The following SCAP variants were observed in gnomAD, a reference collection of about 807,000 sequenced individuals.
SCAP encodes the protein SREBF chaperone.
In SCAP, 65 loss-of-function variants were observed where a neutral mutation model predicts 123.6. The ratio of observed to expected loss-of-function variants is 0.53; its 90% CI spans 0.43 to 0.65. The LOEUF (loss-of-function observed/expected upper bound fraction) is 0.65, where lower values mean the gene tolerates loss of function less well. Ranked by LOEUF, SCAP falls within the 30% of genes least tolerant of loss-of-function variation. The pLI, the probability that SCAP is intolerant of heterozygous loss-of-function variation, is 0.00. For synonymous variants in SCAP, 740 were observed against 726.3 expected (o/e 1.02, Z -0.30); for missense variants, 1,398 against 1,712.5 (o/e 0.82, Z 3.24).
rs773156877 is a variant in SCAP at position 47,419,495 on chromosome 3, C to G, written c.1773G>C (p.Gln591His). Reference protein sequence around the residue: ...PPDAPKLPENQTSPGESPERG... With the variant: ...PPDAPKLPENHTSPGESPERG... ...GCTCAGGTGACTCGCCTGGCGACGT[C>G]TGGTTCTCAGGTAGCTTAGGGGCAT... The change falls in exon 13 of 23, where the codon CAG becomes CAC. Residue 591 changes from glutamine (Q) to histidine (H), a missense_variant. Gln to His is a conservative substitution (Grantham distance 24). Coordinates refer to ENST00000265565, the MANE Select transcript of SCAP (RefSeq NM_012235.4). The surrounding 1 kb of genome is among the most constrained non-coding windows in gnomAD (Gnocchi z 5.0). 120 of 1,613,884 alleles carry G rather than the reference C, an allele frequency of 7.4e-5. No individual in the cohort carries two copies. The highest frequency in any genetic ancestry group is 9.4e-5 in the Non-Finnish European group (111 of 1,180,010).
At chr3:47,461,421 T>C (rs147582209) in intron 1 of SCAP, among the ~76,000 whole-genome samples, 120 of 152,336 alleles carry the variant, frequency 7.9e-4, no homozygotes, top group Non-Finnish European at 1.2e-3. Context: ...GACTGTGATA[T>C]GCACTGGGAC....
intron 4 of SCAP, among the ~76,000 whole-genome samples, 177 bp downstream of exon 4, chr3:47,428,336 G>A (rs751037268): frequency 1.3e-5 from 2 of 152,188 alleles, no homozygotes; most frequent in Non-Finnish European, 2.9e-5. Context: ...CAAGCGGAAT[G>A]CAGCCACCGT....
intron 3 of SCAP, among the ~76,000 whole-genome samples, chr3:47,430,685 A>G (rs1239352895): frequency 6.6e-6 from 1 of 152,244 alleles, no homozygotes; most frequent in Non-Finnish European, 1.5e-5. Context: ...CAACCTGATG[A>G]AAGCAGTGCT....
In SCAP at chr3:47,418,216, G is replaced by A. The variant is rs147205087; in HGVS notation, c.2365C>T (p.Leu789=). 36 of 1,572,330 alleles carry A rather than the reference G, an allele frequency of 2.3e-5. No homozygotes were observed. The highest frequency in any genetic ancestry group is 4.1e-5 in the African/African-American group (3 of 73,854). The part of the protein sequence containing the change: ...IECLASDGML[L]VSCCLAGHVC... The stretch of plus-strand genomic sequence containing the variant: ...TGGCCTGCCAGGCAGCAGCTCACCA[G>A]CAGCATGCCGTCGCTGGCCAGGCAC... The change falls in exon 16 of 23, where the codon CTG becomes TTG. Residue 789 remains leucine, a synonymous_variant. Transcript: ENST00000265565.
intron 8 of SCAP, among the ~76,000 whole-genome samples, chr3:47,424,649 C>T (rs1031029006): frequency 6.6e-6 from 1 of 152,114 alleles, no homozygotes; most frequent in African/African-American, 2.4e-5. Flanking sequence ...GCTTTGGAGC[C>T]GAAGGAAGGG....
At chr3:47,446,930 C>T (rs1394373100) in intron 1 of SCAP, among the ~76,000 whole-genome samples, 1 of 152,012 alleles carries the variant, frequency 6.6e-6, no homozygotes, top group African/African-American at 2.4e-5. Flanking sequence ...GGCAACAGAG[C>T]GAGACTGTGT....
In SCAP at chr3:47,420,661, G is replaced by A. The variant is rs752683819; in HGVS notation, c.1456C>T (p.His486Tyr). 2.9e-5 allele frequency: 47 copies of A among 1,611,976 alleles called. No homozygotes were observed. The highest frequency in any genetic ancestry group is 3.4e-5 in the Non-Finnish European group (40 of 1,179,968). ...GAAGACGGCTGCAACGTGATGGTGTGGGGTGTGGACGGCCTCACAGCCAGC... is the reference window on the plus strand; with the variant it reads ...GAAGACGGCTGCAACGTGATGGTGTAGGGTGTGGACGGCCTCACAGCCAGC... ...RQLAVRPSTP[H>Y]TITLQPSSFR... Residue 486 changes from histidine (H) to tyrosine (Y), a missense_variant, in exon 12 of 23, where the codon CAC becomes TAC. Around this residue, in one of 7 missense-constraint regions of SCAP, gnomAD observed 828 missense variants for 882.5 expected, o/e 0.94. Transcript: ENST00000265565. The surrounding 1 kb of genome is among the most constrained non-coding windows in gnomAD (Gnocchi z 5.0).
rs1389344936 is a variant in SCAP at position 47,427,234 on chromosome 3, G to A, written c.660C>T (p.Tyr220=). 6.2e-7 allele frequency: 1 copy of A among 1,613,700 alleles called. No homozygotes were observed. The highest frequency in any genetic ancestry group is 1.7e-5 in the Admixed American group (1 of 59,968). ...KDLLFGVPGK[Y]SGVSLYTRKR... is the part of the protein sequence containing the mutation. ...TCCTGGTGTAGAGGCTCACCCCGCT[G>A]TACTTCCCAGGAACACCAAATAACA... The change falls in exon 6 of 23, where the codon TAC becomes TAT. Residue 220 remains tyrosine, a synonymous_variant. Coordinates refer to ENST00000265565, the MANE Select transcript of SCAP (RefSeq NM_012235.4).
chr3:47,415,014 G>A (rs1353967777), intron 19 of SCAP, 21 bp from the exon 20 acceptor site: 3 of 1,580,134 alleles, frequency 1.9e-6, no homozygotes, highest in Non-Finnish European at 2.6e-6. Flanking sequence ...AAGGCCAAGT[G>A]AAGAATCTCT....
intron 10 of SCAP, among the ~76,000 whole-genome samples, chr3:47,421,884 C>CACCTCT (rs1705916533): frequency 1.3e-5 from 2 of 152,394 alleles, no homozygotes; most frequent in South Asian, 4.1e-4. Context: ...GGGCCACCTC[C>CACCTCT]ACCTCTGCTC....
intron 3 of SCAP, among the ~76,000 whole-genome samples, chr3:47,433,649 C>A (rs1706454587): frequency 6.6e-6 from 1 of 152,062 alleles, no homozygotes; most frequent in South Asian, 2.1e-4. Context: ...GGTGGATCAC[C>A]TGAGGTCAGG....
intron 3 of SCAP, 45 bp from the exon 4 acceptor site, chr3:47,428,715 G>A (rs1207902990): frequency 6.2e-7 from 1 of 1,601,622 alleles, no homozygotes; most frequent in Admixed American, 1.7e-5. Context: ...CTGAGCACAG[G>A]AAGAAGAAAG....
At chr3:47,414,146 A>G in intron 22 of SCAP, 34 bp downstream of exon 22, 1 of 1,613,484 alleles carries the variant, frequency 6.2e-7, no homozygotes, top group African/African-American at 1.3e-5. Context: ...CTTCCCTAAA[A>G]TCCCAAGAAT....
chr3:47,474,488 A>G (rs1708192433), intron 1 of SCAP, among the ~76,000 whole-genome samples: 1 of 152,038 alleles, frequency 6.6e-6, no homozygotes, highest in African/African-American at 2.4e-5. Context: ...CTATATTAAC[A>G]CACATTTTAA....
chr3:47,439,965 ATTC>A lies in SCAP; in HGVS notation c.122+2904_122+2906del, dbSNP rs1225359726. 6.6e-6 allele frequency among the ~76,000 whole-genome samples: 1 copy of A among 152,132 alleles called. No individual in the cohort carries two copies. Among genetic ancestry groups the A allele is most frequent in the African/African-American group, 2.4e-5 (1 of 41,412 alleles). On this transcript the variant is annotated intron_variant, in intron 2 of 22. Coordinates refer to ENST00000265565, the MANE Select transcript of SCAP (RefSeq NM_012235.4). This position sits in a 1 kb window ranked among gnomAD's most constrained non-coding sequence, Gnocchi z 4.0. ...ACAGATGCCCTCTCTCACTCCCTGG[ATTC>A]TTCTGCCTGATGGAGACAGGCACAT...
chr3:47,456,747 T>C (rs567080907), intron 1 of SCAP, among the ~76,000 whole-genome samples: 130 of 151,342 alleles, frequency 8.6e-4, no homozygotes, highest in African/African-American at 3.1e-3. Context: ...ATCGTGCCAC[T>C]GTACTCTAGT....
chr3:47,462,792 A>ACACCTACTT (rs1238555341), intron 1 of SCAP, among the ~76,000 whole-genome samples: 2 of 151,234 alleles, frequency 1.3e-5, no homozygotes, highest in African/African-American at 4.9e-5. Context: ...AGAAAGGAAA[A>ACACCTACTT]CACCTACTTA....
At chr3:47,447,551 G>A (rs1271372720) in intron 1 of SCAP, among the ~76,000 whole-genome samples, 4 of 152,162 alleles carry the variant, frequency 2.6e-5, no homozygotes, top group African/African-American at 9.6e-5. Context: ...GGCTGGGTGT[G>A]GTGGCGAGTG....
chr3:47,424,691 G>C (rs966852730), intron 8 of SCAP, among the ~76,000 whole-genome samples: 1 of 152,218 alleles, frequency 6.6e-6, no homozygotes, highest in Non-Finnish European at 1.5e-5. Context: ...CAGACGGTAT[G>C]GGGGAGGGTG....
Sources: allele counts gnomAD v4.1 joint callset (sites outside exome capture counted in the v4.1 genomes callset), GRCh38; gene constraint gnomAD v4.1.1; regional missense constraint gnomAD v4.1.1; non-coding constraint Gnocchi (gnomAD v3.1); transcripts MANE v1.5; gene names NCBI Gene and HGNC (gene_info 2026-07-23, HGNC 2026-07-21).